ASTN2: variants seen among roughly 807,000 people sequenced by gnomAD.
ASTN2 encodes astrotactin-2.
A neutral mutation model predicts 139.8 loss-of-function variants in ASTN2; 54 were observed. The observed-to-expected ratio is 0.39, with a 90% CI of 0.31 to 0.48. The LOEUF is 0.48. ASTN2 is among the 20% of genes least tolerant of loss of function. The pLI is 0.95. For missense variants in ASTN2, 1,565 were observed against 1,725.1 expected (o/e 0.91, Z 1.64); for synonymous variants, 756 against 719.5 (o/e 1.05, Z -0.81).
intron 13 of ASTN2, among the ~76,000 whole-genome samples, chr9:116,794,387 C>T (rs1181660425): frequency 2.6e-5 from 4 of 152,004 alleles, no homozygotes; most frequent in East Asian, 1.9e-4. Flanking sequence ...CGTGAGCCAC[C>T]GAGCCGGGCC....
intron 2 of ASTN2, among the ~76,000 whole-genome samples, chr9:117,288,756 C>G (rs1306503360): frequency 6.6e-6 from 1 of 152,208 alleles, no homozygotes; most frequent in African/African-American, 2.4e-5. Context: ...GAGGCCTGAC[C>G]TCCAGGCCAA....
At chr9:117,318,718 T>A (rs1187330136) in intron 1 of ASTN2, among the ~76,000 whole-genome samples, 3 of 152,268 alleles carry the variant, frequency 2.0e-5, no homozygotes, top group African/African-American at 7.2e-5. Context: ...TCCAATGTCC[T>A]CTGTCTGTGA....
intron 2 of ASTN2, among the ~76,000 whole-genome samples, chr9:117,262,393 C>CTTTT (rs560842100): frequency 1.1e-4 from 12 of 112,534 alleles, no homozygotes; most frequent in Non-Finnish European, 1.3e-4. Flanking sequence ...TATTCTGTTT[C>CTTTT]TTTTTTTATT....
At chr9:117,157,124 T>C (rs1435491667) in intron 3 of ASTN2, among the ~76,000 whole-genome samples, 1 of 151,980 alleles carries the variant, frequency 6.6e-6, no homozygotes, top group Non-Finnish European at 1.5e-5. Flanking sequence ...ATTGGCAAGT[T>C]TCCACTGGTT....
At chr9:117,325,537 C>T (rs1005336213) in intron 1 of ASTN2, among the ~76,000 whole-genome samples, 1 of 152,148 alleles carries the variant, frequency 6.6e-6, no homozygotes, top group African/African-American at 2.4e-5. Context: ...TCCTTTTCCC[C>T]TCTTCCCTTT....
chr9:117,172,435 A>G (rs1830816344), intron 3 of ASTN2, among the ~76,000 whole-genome samples: 1 of 152,218 alleles, frequency 6.6e-6, no homozygotes, highest in Non-Finnish European at 1.5e-5. Context: ...AAAGAAAACC[A>G]AGAATACATT....
intron 6 of ASTN2, among the ~76,000 whole-genome samples, chr9:117,019,434 C>T (rs569027608): frequency 4.6e-5 from 7 of 152,128 alleles, no homozygotes; most frequent in African/African-American, 1.2e-4. Flanking sequence ...CTGCCAGGCA[C>T]GGATGAGAAC....
At chr9:117,273,249 G>C (rs1013010743) in intron 2 of ASTN2, among the ~76,000 whole-genome samples, 4 of 152,182 alleles carry the variant, frequency 2.6e-5, no homozygotes, top group African/African-American at 9.7e-5. Context: ...GCATGAGAAA[G>C]ATCAACCCCC....
At chr9:116,439,086 T>C (rs560347209) in intron 22 of ASTN2, among the ~76,000 whole-genome samples, 2 of 152,290 alleles carry the variant, frequency 1.3e-5, no homozygotes, top group East Asian at 3.9e-4. Flanking sequence ...TGTTCCACTT[T>C]TGTTGCTTTT....
At chr9:116,451,981 T>TC (rs1205349235) in intron 20 of ASTN2, among the ~76,000 whole-genome samples, 1 of 151,980 alleles carries the variant, frequency 6.6e-6, no homozygotes, top group African/African-American at 2.4e-5. Flanking sequence ...CCTCTCCCCA[T>TC]CCCCCGTCTT....
intron 2 of ASTN2, among the ~76,000 whole-genome samples, chr9:117,287,152 T>C (rs1834470732): frequency 6.6e-6 from 1 of 152,218 alleles, no homozygotes; most frequent in South Asian, 2.1e-4. Flanking sequence ...GCAGTCATTA[T>C]TTTCATTGTG....
At chr9:117,344,551 T>TACACACACAACCTATGCGC (rs1829157681) in intron 1 of ASTN2, among the ~76,000 whole-genome samples, 1 of 152,136 alleles carries the variant, frequency 6.6e-6, no homozygotes, top group Non-Finnish European at 1.5e-5. Context: ...TGTCTTTGTG[T>TACACACACAACCTATGCGC]ACACACACAA....
chr9:117,245,835 G>T (rs1833364392), intron 2 of ASTN2, among the ~76,000 whole-genome samples: 1 of 151,698 alleles, frequency 6.6e-6, no homozygotes, highest in South Asian at 2.1e-4. Context: ...TGCTCTTTAG[G>T]TCCTATTCTT....
intron 7 of ASTN2, among the ~76,000 whole-genome samples, chr9:116,986,162 C>G (rs934046400): frequency 2.7e-5 from 3 of 111,662 alleles, no homozygotes; most frequent in Admixed American, 8.5e-5. Context: ...TCCAGGCTGC[C>G]CCCCCCCACC....
chr9:117,322,897 T>C (rs568542804), intron 1 of ASTN2, among the ~76,000 whole-genome samples: 1 of 152,288 alleles, frequency 6.6e-6, no homozygotes, highest in South Asian at 2.1e-4. Flanking sequence ...TCTGGTGGTG[T>C]TATTATTTTC....
intron 2 of ASTN2, among the ~76,000 whole-genome samples, chr9:117,268,553 T>A (rs1366026900): frequency 1.3e-5 from 2 of 152,182 alleles, no homozygotes; most frequent in Non-Finnish European, 2.9e-5. Flanking sequence ...CATCTTGTAT[T>A]CCCTGAATAC....
At chr9:116,730,067 T>C (rs1828736234) in intron 14 of ASTN2, among the ~76,000 whole-genome samples, 1 of 152,238 alleles carries the variant, frequency 6.6e-6, no homozygotes, top group African/African-American at 2.4e-5. Flanking sequence ...TTCTAAATTT[T>C]CTACCCTAAG....
intron 19 of ASTN2, among the ~76,000 whole-genome samples, chr9:116,533,765 G>T (rs888848636): frequency 2.0e-5 from 3 of 152,144 alleles, no homozygotes; most frequent in Non-Finnish European, 4.4e-5. Flanking sequence ...CGGTTTGCCA[G>T]TATTTTATTG....
intron 2 of ASTN2, among the ~76,000 whole-genome samples, chr9:117,272,492 C>G (rs1057448950): frequency 6.6e-6 from 1 of 152,238 alleles, no homozygotes; most frequent in African/African-American, 2.4e-5. Context: ...CTGCAGCCAG[C>G]TTGAATTTCT....
Sources: gnomAD v4.1 joint callset for allele counts (sites outside exome capture counted in the v4.1 genomes callset) on GRCh38, gnomAD v4.1.1 for gene constraint, MANE v1.5 for transcripts, NCBI Gene and HGNC (gene_info 2026-07-23, HGNC 2026-07-21) for gene names.